The following ARID1A variants were observed in gnomAD, a reference collection of about 807,000 sequenced individuals.
The protein encoded by ARID1A is AT-rich interaction domain 1A.
Under a neutral mutation model 212.6 loss-of-function variants are expected in ARID1A, and 20 were observed. The ratio of observed to expected loss-of-function variants is 0.09; its 90% confidence interval spans 0.07 to 0.14. The LOEUF is 0.14. ARID1A is among the 10% of genes least tolerant of loss of function. ARID1A has a pLI of 1.00. For synonymous variants in ARID1A, 1,376 were observed against 1,222.1 expected, an observed-to-expected ratio of 1.13 and a Z score of -2.63; for missense variants, 2,587 against 3,059.0, an observed-to-expected ratio of 0.85 and a Z score of 3.64.
chr1:26,706,782 CTT>C (rs1264024965), intron 1 of ARID1A, among the ~76,000 whole-genome samples: 3 of 152,128 alleles, frequency 2.0e-5, no homozygotes, highest in Non-Finnish European at 2.9e-5. Flanking sequence ...ATATGTATGT[CTT>C]TTTCTCTTGC....
intron 1 of ARID1A, among the ~76,000 whole-genome samples, chr1:26,725,430 C>T (rs923180058): frequency 2.6e-5 from 4 of 152,022 alleles, no homozygotes; most frequent in African/African-American, 9.7e-5. Context: ...GAGTTATGTC[C>T]CTGCTCACCT....
Position 26,696,553 on chromosome 1 carries a change from GA to G in ARID1A, c.152del (p.Lys51ArgfsTer50). 1 of 1,229,748 alleles carries G rather than the reference GA, an allele frequency of 8.1e-7. No individual in the cohort carries two copies. Among genetic ancestry groups the G allele is most frequent in the Non-Finnish European group, 1.0e-6 (1 of 989,620 alleles). 76.2% of individuals were successfully genotyped at this position (1,229,748 alleles called of 1,614,324 possible). On this transcript the variant is annotated frameshift_variant, in exon 1 of 20. Transcript: ENST00000324856. LOFTEE classifies it high-confidence loss of function. ...CGGCAGCGGCCGAGCGCGGGGAAAT[GA>G]AGGCAGCCGCCGGGCAGGAAAGCGA... ...AAAAAERGEM[K>X]AAAGQESEGP... is the part of the protein sequence containing the mutation.
Position 26,775,173 on chromosome 1 carries a change from C to T in ARID1A, c.4946C>T (p.Thr1649Ile), listed in dbSNP as rs2124123899. 6.2e-7 allele frequency: 1 copy of T among 1,609,332 alleles called. No homozygotes were observed. Among genetic ancestry groups the T allele is most frequent in the Non-Finnish European group, 8.5e-7 (1 of 1,178,302 alleles). The change falls in exon 18 of 20, where the codon ACA becomes ATA. Residue 1649 changes from threonine (T) to isoleucine (I), a missense_variant. This residue lies in a region of ARID1A where 890 missense variants were observed against 1,098.2 expected (regional missense o/e 0.81). Coordinates refer to ENST00000324856, the MANE Select transcript of ARID1A (RefSeq NM_006015.6). ...ITFPPGSVEA[T>I]QPVLKQRRRL... ...TTCCCACCTGGCTCTGTTGAAGCCA[C>T]ACAGCCTGTGTTGAAGCAGAGGAGG...
intron 7 of ARID1A, 77 bp downstream of exon 7, chr1:26,762,396 G>T (rs2081001001): frequency 6.7e-7 from 1 of 1,491,170 alleles, no homozygotes; most frequent in African/African-American, 1.4e-5. Context: ...TTGCCATCTA[G>T]CTTGTAACCT....
intron 1 of ARID1A, chr1:26,728,906 C>T (rs1287946067): frequency 6.6e-6 from 1 of 152,100 alleles, no homozygotes; most frequent in Non-Finnish European, 1.5e-5. Context: ...CATCAAATAC[C>T]TGTGAATTGA....
intron 4 of ARID1A, among the ~76,000 whole-genome samples, chr1:26,746,560 A>T (rs889254602): frequency 1.3e-5 from 2 of 152,156 alleles, no homozygotes; most frequent in African/African-American, 4.8e-5. Flanking sequence ...TGTTTCTTCA[A>T]ACTTGGCCCA....
At chr1:26,748,649 C>T (rs2080858600) in intron 4 of ARID1A, among the ~76,000 whole-genome samples, 1 of 127,992 alleles carries the variant, frequency 7.8e-6, no homozygotes, top group Admixed American at 8.9e-5. Context: ...AGTCTATTAA[C>T]TAGTGACCCT....
intron 4 of ARID1A, among the ~76,000 whole-genome samples, chr1:26,752,463 T>C (rs1403596700): frequency 6.6e-6 from 1 of 152,244 alleles, no homozygotes; most frequent in Non-Finnish European, 1.5e-5. Context: ...GTACAAGTGT[T>C]CAGTAGAGGT....
intron 4 of ARID1A, among the ~76,000 whole-genome samples, chr1:26,758,267 G>A (rs929543205): frequency 2.0e-5 from 3 of 152,132 alleles, no homozygotes; most frequent in Admixed American, 2.0e-4. Context: ...GAGGCTAGAT[G>A]TCCATGGTAT....
At chr1:26,701,672 A>G (rs2080333025) in intron 1 of ARID1A, among the ~76,000 whole-genome samples, 1 of 152,154 alleles carries the variant, frequency 6.6e-6, no homozygotes, top group Non-Finnish European at 1.5e-5. Flanking sequence ...CTGGCTTGTT[A>G]TGAAGGCAGC....
At chr1:26,727,645 A>T (rs2080631102) in intron 1 of ARID1A, 1 of 152,148 alleles carries the variant, frequency 6.6e-6, no homozygotes, top group African/African-American at 2.4e-5. Flanking sequence ...TTCACAGAAA[A>T]TTCTAATCTG....
intron 4 of ARID1A, among the ~76,000 whole-genome samples, chr1:26,747,684 C>CA (rs36091006): frequency 0.11 from 14,092 of 124,364 alleles, 834 homozygotes; most frequent in South Asian, 0.17. Context: ...CCATCTCTAC[C>CA]AAAAAAAAAA....
intron 4 of ARID1A, among the ~76,000 whole-genome samples, chr1:26,735,116 A>ATT (rs35465692): frequency 2.4e-4 from 31 of 131,558 alleles, no homozygotes; most frequent in East Asian, 6.5e-4. Context: ...AAAATCCAGA[A>ATT]TTTTTTTTTT....
rs184818860 is a variant in ARID1A at position 26,762,142 on chromosome 1, C to T, written c.2252-10C>T. On this transcript the variant is annotated splice_polypyrimidine_tract_variant and intron_variant, in intron 6 of 19. Coordinates refer to ENST00000324856, the MANE Select transcript of ARID1A (RefSeq NM_006015.6). ...AAGCTAATAACTATATGGATGCTAC[C>T]CACAAATAGGTTATATGCAGAGGAA... is the stretch of plus-strand genomic sequence containing the variant. The T allele has an allele frequency of 1.2e-6, 2 of 1,607,742 alleles. No homozygotes were observed. Among genetic ancestry groups the T allele is most frequent in the Non-Finnish European group, 1.7e-6 (2 of 1,176,450 alleles).
At chr1:26,724,737 G>A (rs1218038102) in intron 1 of ARID1A, among the ~76,000 whole-genome samples, 1 of 152,180 alleles carries the variant, frequency 6.6e-6, no homozygotes, top group African/African-American at 2.4e-5. Flanking sequence ...TAGCCAGCTA[G>A]TCTGGAGGGT....
At chr1:26,717,056 A>T (rs906279724) in intron 1 of ARID1A, among the ~76,000 whole-genome samples, 10 of 152,222 alleles carry the variant, frequency 6.6e-5, no homozygotes, top group African/African-American at 2.4e-4. Context: ...TTATTTCCAA[A>T]CACTTCTCAG....
At chr1:26,699,548 C>T (rs2080312404) in intron 1 of ARID1A, among the ~76,000 whole-genome samples, 1 of 152,136 alleles carries the variant, frequency 6.6e-6, no homozygotes, top group Non-Finnish European at 1.5e-5. Flanking sequence ...GAGCTCTGTG[C>T]CTTGATTCTA....
chr1:26,704,175 C>T (rs540773841), intron 1 of ARID1A, among the ~76,000 whole-genome samples: 1 of 152,332 alleles, frequency 6.6e-6, no homozygotes, highest in East Asian at 1.9e-4. Context: ...ATAAAACTCC[C>T]TGAAAGAGTG....
intron 1 of ARID1A, among the ~76,000 whole-genome samples, chr1:26,707,245 A>G (rs1296939031): frequency 1.3e-4 from 12 of 92,882 alleles, no homozygotes; most frequent in Non-Finnish European, 1.8e-4. Flanking sequence ...GTCTTGTTCT[A>G]TCGCCCAGGC....
Sources: allele counts gnomAD v4.1 joint callset (sites outside exome capture counted in the v4.1 genomes callset), GRCh38; gene constraint gnomAD v4.1.1; regional missense constraint gnomAD v4.1.1; transcripts MANE v1.5; gene names NCBI Gene and HGNC (gene_info 2026-07-23, HGNC 2026-07-21).